PDE3A: variants seen among roughly 807,000 people sequenced by gnomAD.
The protein encoded by PDE3A is cGMP-inhibited 3',5'-cyclic phosphodiesterase 3A.
Under a neutral mutation model 98.3 loss-of-function variants are expected in PDE3A, and 43 were observed. The ratio of observed to expected loss-of-function variants is 0.44; its 90% confidence interval spans 0.34 to 0.56. The LOEUF (loss-of-function observed/expected upper bound fraction) is 0.56, where lower values mean the gene tolerates loss of function less well. Ranked by LOEUF, PDE3A falls within the 20% of genes least tolerant of loss-of-function variation. The pLI, the probability that PDE3A is intolerant of heterozygous loss-of-function variation, is 0.01. For synonymous variants in PDE3A, 663 were observed against 567.9 expected (o/e 1.17, Z -2.38); for missense variants, 1,427 against 1,440.7 (o/e 0.99, Z 0.15).
At chr12:20,489,079 C>T (rs1945783498) in intron 1 of PDE3A, among the ~76,000 whole-genome samples, 1 of 152,168 alleles carries the variant, frequency 6.6e-6, no homozygotes, top group African/African-American at 2.4e-5. Flanking sequence ...ATACCGTACT[C>T]CAAAATCAGT....
chr12:20,552,050 A>T lies in PDE3A; in HGVS notation c.961-4610A>T, dbSNP rs1565586302. ...TACGAGGATGACGTGGACCATGGGA[A>T]TTTTTTCACATACACGGGTAGTGGT... is the stretch of plus-strand genomic sequence containing the variant. On this transcript the variant is annotated intron_variant, in intron 1 of 15. Transcript: ENST00000359062. This position sits in a 1 kb window ranked among gnomAD's most constrained non-coding sequence, Gnocchi z 5.1. 6.2e-7 allele frequency: 1 copy of T among 1,612,224 alleles called. No homozygotes were observed. Among genetic ancestry groups the T allele is most frequent in the African/African-American group, 1.3e-5 (1 of 74,754 alleles).
chr12:20,450,459 C>T (rs1333501147), intron 1 of PDE3A, among the ~76,000 whole-genome samples: 8 of 152,148 alleles, frequency 5.3e-5, no homozygotes, highest in African/African-American at 1.4e-4. Context: ...TCTATTGAGC[C>T]CACTGGACAC....
intron 1 of PDE3A, among the ~76,000 whole-genome samples, chr12:20,457,320 C>T (rs1459850153): frequency 6.6e-6 from 1 of 150,858 alleles, no homozygotes; most frequent in Non-Finnish European, 1.5e-5. Flanking sequence ...ATTAACATTG[C>T]TATACTGAGA....
intron 1 of PDE3A, among the ~76,000 whole-genome samples, chr12:20,512,500 T>C (rs1946245819): frequency 2.0e-5 from 3 of 152,250 alleles, no homozygotes; most frequent in South Asian, 2.1e-4. Context: ...TACTGTTGCT[T>C]TCATATCTTT....
chr12:20,620,245 C>A (rs750875943), intron 4 of PDE3A, among the ~76,000 whole-genome samples: 1 of 152,024 alleles, frequency 6.6e-6, no homozygotes, highest in Non-Finnish European at 1.5e-5. Context: ...GCTACCCAGA[C>A]AGACCAAGCA....
chr12:20,451,540 CA>C (rs1200509659), intron 1 of PDE3A, among the ~76,000 whole-genome samples: 26 of 152,310 alleles, frequency 1.7e-4, no homozygotes, highest in African/African-American at 6.3e-4. Context: ...TTCCAGGTCT[CA>C]AGTGATCTGC....
chr12:20,664,429 C>G (rs1945257157), intron 15 of PDE3A, among the ~76,000 whole-genome samples: 1 of 152,152 alleles, frequency 6.6e-6, no homozygotes, highest in Non-Finnish European at 1.5e-5. Flanking sequence ...TACTTTACCT[C>G]TCTACTCAGA....
chr12:20,618,856 T>C (rs1443765784), intron 4 of PDE3A, among the ~76,000 whole-genome samples: 1 of 152,082 alleles, frequency 6.6e-6, no homozygotes, highest in African/African-American at 2.4e-5. Flanking sequence ...CAAAAGAGAC[T>C]GTTACCTGAT....
intron 15 of PDE3A, among the ~76,000 whole-genome samples, chr12:20,672,680 C>A (rs1212942941): frequency 2.5e-5 from 3 of 120,532 alleles, no homozygotes; most frequent in African/African-American, 9.9e-5. Flanking sequence ...CTTCCTTACA[C>A]CTTATACAAA....
chr12:20,603,620 G>A (rs11831185), intron 2 of PDE3A, among the ~76,000 whole-genome samples: 3,033 of 151,884 alleles, frequency 0.02, 88 homozygotes, highest in African/African-American at 0.069. Flanking sequence ...CATTTATAAA[G>A]GAACTACTGG....
intron 1 of PDE3A, among the ~76,000 whole-genome samples, chr12:20,543,081 G>A (rs982470807): frequency 6.6e-6 from 1 of 151,954 alleles, no homozygotes; most frequent in Non-Finnish European, 1.5e-5. Context: ...GGTGCTTAGG[G>A]GTTTGGGTTT....
chr12:20,532,476 T>A (rs1434707812), intron 1 of PDE3A, among the ~76,000 whole-genome samples: 1 of 152,182 alleles, frequency 6.6e-6, no homozygotes, highest in African/African-American at 2.4e-5. Context: ...TTATGGTATA[T>A]GGAACTGAAA....
At position 20,685,133 on chromosome 12, in the gene PDE3A, C is replaced by T. The variant is rs1380438268; in HGVS notation, c.*4862C>T. ...GTGAAGTAAAATGAACATTTTTGGG[C>T]CGGGCGCAGTGGCTCACGCCTGTAA... On this transcript the variant is annotated 3_prime_UTR_variant, in exon 16 of 16. Transcript: ENST00000359062. Among the ~76,000 whole-genome samples the T allele has an allele frequency of 1.3e-5, 2 of 152,054 alleles. No homozygotes were observed. The highest frequency in any genetic ancestry group is 2.9e-5 in the Non-Finnish European group (2 of 68,008).
At chr12:20,500,596 T>C (rs1014005463) in intron 1 of PDE3A, among the ~76,000 whole-genome samples, 11 of 152,124 alleles carry the variant, frequency 7.2e-5, no homozygotes, top group Non-Finnish European at 1.5e-4. Flanking sequence ...TCTATGTTTG[T>C]TATTTGGGTC....
At chr12:20,396,706 A>T (rs189341001) in intron 1 of PDE3A, among the ~76,000 whole-genome samples, 23 of 152,206 alleles carry the variant, frequency 1.5e-4, no homozygotes, top group Non-Finnish European at 2.9e-4. Context: ...AGATTTAGGA[A>T]TAATTTTATA....
intron 1 of PDE3A, among the ~76,000 whole-genome samples, chr12:20,420,146 G>C (rs1394924120): frequency 6.6e-6 from 1 of 152,086 alleles, no homozygotes; most frequent in African/African-American, 2.4e-5. Context: ...TTTAGATCTT[G>C]GTGCAAGTAT....
At chr12:20,673,755 G>A (rs1329742602) in intron 15 of PDE3A, among the ~76,000 whole-genome samples, 3 of 147,432 alleles carry the variant, frequency 2.0e-5, no homozygotes, top group Admixed American at 6.8e-5. Context: ...GCTAGATGAC[G>A]AGTTAGTGGG....
intron 2 of PDE3A, among the ~76,000 whole-genome samples, chr12:20,562,507 C>T (rs1942553151): frequency 1.5e-5 from 2 of 131,982 alleles, no homozygotes; most frequent in Admixed American, 8.5e-5. Flanking sequence ...TGTGAGCCAC[C>T]GTGCCCAGCT....
At chr12:20,475,169 A>ATGTGTGTG (rs773174440) in intron 1 of PDE3A, among the ~76,000 whole-genome samples, 58 of 96,450 alleles carry the variant, frequency 6.0e-4, no homozygotes, top group South Asian at 8.6e-4. Context: ...AGAGGAAAAA[A>ATGTGTGTG]TGTGTGTGAG....
Sources: allele counts gnomAD v4.1 joint callset (sites outside exome capture counted in the v4.1 genomes callset), GRCh38; gene constraint gnomAD v4.1.1; non-coding constraint Gnocchi (gnomAD v3.1); transcripts MANE v1.5; gene names NCBI Gene and HGNC (gene_info 2026-07-23, HGNC 2026-07-21).